The following SORCS1 variants were observed in gnomAD, a reference collection of about 807,000 sequenced individuals.
The protein encoded by SORCS1 is VPS10 domain-containing receptor SorCS1.
SORCS1 carries 60 observed loss-of-function variants against 146.1 expected under a neutral mutation model. The observed-to-expected ratio is 0.41, with a 90% CI of 0.33 to 0.51. The LOEUF (loss-of-function observed/expected upper bound fraction) is 0.51, where lower values mean the gene tolerates loss of function less well. Among genes scored for constraint, SORCS1 ranks in the 20% least tolerant of loss-of-function variants. SORCS1 has a pLI of 0.21. For missense variants in SORCS1, 1,352 were observed against 1,487.6 expected, an observed-to-expected ratio of 0.91 and a Z score of 1.50; for synonymous variants, 637 against 584.0, an observed-to-expected ratio of 1.09 and a Z score of -1.31.
chr10:106,768,827 C>A (rs1262818543), intron 4 of SORCS1, among the ~76,000 whole-genome samples: 1 of 152,222 alleles, frequency 6.6e-6, no homozygotes, highest in African/African-American at 2.4e-5. Context: ...TGGCTGGCAT[C>A]TATGCCATGT....
chr10:107,082,970 G>T (rs143761401), intron 1 of SORCS1, among the ~76,000 whole-genome samples: 4 of 151,862 alleles, frequency 2.6e-5, no homozygotes, highest in Non-Finnish European at 4.4e-5. Flanking sequence ...TTAGCCAGGC[G>T]TGGTGGCGGG....
intron 2 of SORCS1, among the ~76,000 whole-genome samples, chr10:106,949,427 TAACA>T (rs2138878060): frequency 1.3e-5 from 2 of 152,244 alleles, no homozygotes; most frequent in South Asian, 4.1e-4. Context: ...TGCAGAGGGC[TAACA>T]AACACACAGG....
intron 2 of SORCS1, among the ~76,000 whole-genome samples, chr10:106,902,270 T>C (rs932127441): frequency 1.3e-5 from 2 of 152,128 alleles, no homozygotes; most frequent in Non-Finnish European, 2.9e-5. Context: ...CCCTAACCTT[T>C]AGTCCAGTAT....
intron 2 of SORCS1, among the ~76,000 whole-genome samples, chr10:106,946,176 C>G (rs895061377): frequency 6.6e-6 from 1 of 151,560 alleles, no homozygotes; most frequent in Non-Finnish European, 1.5e-5. Flanking sequence ...ATAGGCCTGG[C>G]TTTCAGTGAC....
At chr10:107,134,723 C>G (rs548099940) in intron 1 of SORCS1, among the ~76,000 whole-genome samples, 65 of 152,268 alleles carry the variant, frequency 4.3e-4, no homozygotes, top group African/African-American at 1.5e-3. Context: ...GATGAGAAAT[C>G]GGACAAGTCA....
intron 2 of SORCS1, among the ~76,000 whole-genome samples, chr10:106,868,762 C>T (rs939514118): frequency 8.5e-5 from 13 of 152,096 alleles, no homozygotes; most frequent in Admixed American, 7.9e-4. Flanking sequence ...CTCAAATTAA[C>T]AATCTAACAT....
intron 1 of SORCS1, among the ~76,000 whole-genome samples, chr10:107,026,465 A>G (rs1189898813): frequency 6.6e-6 from 1 of 152,000 alleles, no homozygotes; most frequent in Non-Finnish European, 1.5e-5. Flanking sequence ...TAAAAATACA[A>G]AAAATTAGCC....
At chr10:106,883,418 T>A (rs79724645) in intron 2 of SORCS1, among the ~76,000 whole-genome samples, 1 of 35,000 alleles carries the variant, frequency 2.9e-5, no homozygotes, top group Non-Finnish European at 4.9e-5. Context: ...AGCAAATGTA[T>A]TTTTTTTTTT....
chr10:106,701,009 A>G (rs892968768), intron 8 of SORCS1, among the ~76,000 whole-genome samples: 3 of 152,204 alleles, frequency 2.0e-5, no homozygotes. Flanking sequence ...TTGCCCTCAG[A>G]TACCAAAATC....
intron 4 of SORCS1, among the ~76,000 whole-genome samples, chr10:106,771,438 G>T (rs1289043408): frequency 6.6e-6 from 1 of 152,174 alleles, no homozygotes; most frequent in African/African-American, 2.4e-5. Flanking sequence ...TCCTTGGGTG[G>T]TTTCCTGTAT....
intron 23 of SORCS1, among the ~76,000 whole-genome samples, chr10:106,606,772 C>T (rs1245764993): frequency 6.6e-6 from 1 of 152,150 alleles, no homozygotes; most frequent in African/African-American, 2.4e-5. Flanking sequence ...GGGCAGTTAC[C>T]TCCATGTTGT....
chr10:107,021,681 CCTAATT>C (rs2133873144), intron 1 of SORCS1, among the ~76,000 whole-genome samples: 1 of 152,092 alleles, frequency 6.6e-6, no homozygotes, highest in Non-Finnish European at 1.5e-5. Context: ...AGTCTTGATA[CCTAATT>C]CTATCATTTC....
intron 14 of SORCS1, among the ~76,000 whole-genome samples, chr10:106,674,203 CCTG>C (rs1210803665): frequency 6.7e-6 from 1 of 149,698 alleles, no homozygotes; most frequent in Non-Finnish European, 1.5e-5. Flanking sequence ...GTGGCAGGCA[CCTG>C]TAGTCCTAGC....
chr10:106,679,198 G>T, intron 12 of SORCS1, 58 bp downstream of exon 12: 2 of 1,395,416 alleles, frequency 1.4e-6, no homozygotes, highest in Non-Finnish European at 2.0e-6. Flanking sequence ...TTTGAACCAA[G>T]CTGGGCAATT....
intron 2 of SORCS1, among the ~76,000 whole-genome samples, chr10:106,918,119 G>A (rs761132727): frequency 1.3e-5 from 2 of 152,078 alleles, no homozygotes; most frequent in Non-Finnish European, 2.9e-5. Flanking sequence ...TTTTACTGAA[G>A]TGCCTTCTGC....
chr10:107,115,242 G>GA lies in SORCS1; in HGVS notation c.558+48726dup, dbSNP rs998466175. ...TCCAATGACATTTTTCATGAAAACA[G>GA]AAAAAAAAAAAATCCTAAAGTTCAT... On this transcript the variant is annotated intron_variant, in intron 1 of 25. Transcript: ENST00000263054. Among the ~76,000 whole-genome samples, 785 of 137,534 alleles carry GA rather than the reference G, an allele frequency of 5.7e-3. 14 individuals are homozygous for GA. The highest frequency in any genetic ancestry group is 0.043 in the Admixed American group (601 of 13,902). 90.2% of individuals were successfully genotyped at this position (137,534 alleles called of 152,430 possible).
intron 1 of SORCS1, among the ~76,000 whole-genome samples, chr10:107,039,954 G>GA (rs1428719719): frequency 6.6e-6 from 1 of 152,036 alleles, no homozygotes; most frequent in Non-Finnish European, 1.5e-5. Flanking sequence ...TACCTAAAAA[G>GA]AAAAAAATTA....
At chr10:107,026,024 T>A (rs146955743) in intron 1 of SORCS1, among the ~76,000 whole-genome samples, 1 of 152,242 alleles carries the variant, frequency 6.6e-6, no homozygotes, top group East Asian at 1.9e-4. Flanking sequence ...ACCCCATGAA[T>A]TCCAACCTGA....
At chr10:106,970,415 T>C (rs966857246) in intron 1 of SORCS1, among the ~76,000 whole-genome samples, 14 of 142,886 alleles carry the variant, frequency 9.8e-5, no homozygotes, top group African/African-American at 3.4e-4. Context: ...CCCTGCCCAC[T>C]GCAACCACCA....
Sources: allele counts gnomAD v4.1 joint callset (sites outside exome capture counted in the v4.1 genomes callset), GRCh38; gene constraint gnomAD v4.1.1; transcripts MANE v1.5; gene names NCBI Gene and HGNC (gene_info 2026-07-23, HGNC 2026-07-21).